Variants in GET4 observed in about 807,000 individuals in gnomAD.
The protein encoded by GET4 is Golgi to ER traffic protein 4 homolog.
GET4 carries 20 observed loss-of-function variants against 40.0 expected under a neutral mutation model. The ratio of observed to expected loss-of-function variants is 0.50; its 90% CI spans 0.35 to 0.73. The LOEUF is 0.73. Ranked by LOEUF, GET4 falls within the 30% of genes least tolerant of loss-of-function variation. GET4 has a pLI of 0.01. For synonymous variants in GET4, 280 were observed against 194.6 expected (o/e 1.44, Z -3.65); for missense variants, 557 against 454.0 (o/e 1.23, Z -2.06).
At chr7:892,162 G>A (rs1363394523) in intron 5 of GET4, 116 bp from the exon 6 acceptor site, 7 of 1,032,390 alleles carry the variant, frequency 6.8e-6, no homozygotes, top group African/African-American at 3.2e-5. Flanking sequence ...CCATGGCCTT[G>A]GGCCGCAGGA....
In GET4 at chr7:890,940, G is replaced by GT. The variant is rs1844308262; in HGVS notation, c.480dup (p.Glu161Ter). 2 of 1,605,948 alleles carry GT rather than the reference G, an allele frequency of 1.2e-6. No individual in the cohort carries two copies. Among genetic ancestry groups the GT allele is most frequent in the South Asian group, 1.1e-5 (1 of 90,912 alleles). On this transcript the variant is annotated frameshift_variant, in exon 5 of 9. Coordinates refer to ENST00000265857, the MANE Select transcript of GET4 (RefSeq NM_015949.3). LOFTEE classifies it high-confidence loss of function. ...CTTTCCTTTGCAGAACAAAACTATT[G>GT]TGAGTCGAGGTATCATTTTCTGCAC...
chr7:894,259 C>G (rs1049826754), intron 8 of GET4, among the ~76,000 whole-genome samples: 2 of 152,012 alleles, frequency 1.3e-5, no homozygotes, highest in Non-Finnish European at 2.9e-5. Context: ...TCCCCCGTCT[C>G]TCTGTGCGCC....
intron 8 of GET4, among the ~76,000 whole-genome samples, chr7:894,748 G>GT (rs1554268852): frequency 1.3e-5 from 2 of 152,208 alleles, no homozygotes; most frequent in Admixed American, 6.5e-5. Flanking sequence ...TGCCACGGCC[G>GT]TGTCTTTGTA....
At position 876,618 on chromosome 7, in the gene GET4, C is replaced by G. The variant is rs1459986507; in HGVS notation, c.-28C>G. The stretch of plus-strand genomic sequence containing the variant: ...GCGCTGCCGACCGCGCCTGCGACAG[C>G]GTCAGCCCTGCGCGGAGCGCCGGCC... On this transcript the variant is annotated 5_prime_UTR_variant, in exon 1 of 9. Coordinates refer to ENST00000265857, the MANE Select transcript of GET4 (RefSeq NM_015949.3). 1.7e-6 allele frequency: 2 copies of G among 1,196,204 alleles called. No homozygotes were observed. The highest frequency in any genetic ancestry group is 2.1e-6 in the Non-Finnish European group (2 of 961,484). 74.1% of individuals were successfully genotyped at this position (1,196,204 alleles called of 1,614,324 possible). A position where few individuals can be genotyped will look rare whatever the true frequency, so the allele number is the denominator to read the frequency against.
intron 8 of GET4, among the ~76,000 whole-genome samples, chr7:894,548 A>G (rs1209270724): frequency 6.6e-6 from 1 of 151,716 alleles, no homozygotes; most frequent in Non-Finnish European, 1.5e-5. Context: ...TCCTCCCCGG[A>G]TGCCCCCCCC....
At chr7:892,214 G>A in intron 5 of GET4, 64 bp from the exon 6 acceptor site, 2 of 1,545,524 alleles carry the variant, frequency 1.3e-6, no homozygotes, top group Non-Finnish European at 1.8e-6. Flanking sequence ...TCGGAGGCCG[G>A]CGCCTGTGCG....
rs748886010 is a variant in GET4, at chr7:892,251, C to T, written c.606-27C>T. On this transcript the variant is annotated intron_variant, in intron 5 of 8. Coordinates refer to ENST00000265857, the MANE Select transcript of GET4 (RefSeq NM_015949.3). The stretch of plus-strand genomic sequence containing the variant: ...GCAGAAGCTGTGTCCTCCAGCCCTT[C>T]CACCACCAGCATGTTCTCATTTCCA... 3 of 1,582,548 alleles carry T rather than the reference C, an allele frequency of 1.9e-6. No homozygotes were observed. The East Asian group carries it at 6.8e-5, about 36-fold the overall frequency.
At position 892,407 on chromosome 7, in the gene GET4, G is replaced by A. The variant is rs1315771942; in HGVS notation, c.735G>A (p.Leu245=). The change falls in exon 6 of 9, where the codon CTG becomes CTA. Residue 245 remains leucine, a synonymous_variant. Coordinates refer to ENST00000265857, the MANE Select transcript of GET4 (RefSeq NM_015949.3). Reference sequence around the variant, plus strand: ...TTAACTTCATCTGGTTCCTGCTGCTGGCTGTGGACGGGTGCGTCTTGGGAT... The same window carrying A: ...TTAACTTCATCTGGTTCCTGCTGCTAGCTGTGGACGGGTGCGTCTTGGGAT... ...PLLNFIWFLL[L]AVDGGKLTVF... 1 of 1,588,244 alleles carries A rather than the reference G, an allele frequency of 6.3e-7. No homozygotes were observed.
At position 892,425 on chromosome 7, in the gene GET4, C is replaced by T. The variant is rs200267271; in HGVS notation, c.746+7C>T. 1.3e-6 allele frequency: 2 copies of T among 1,584,274 alleles called. No homozygotes were observed. Among genetic ancestry groups the T allele is most frequent in the Non-Finnish European group, 1.7e-6 (2 of 1,156,506 alleles). On this transcript the variant is annotated splice_region_variant and intron_variant, in intron 6 of 8. Coordinates refer to ENST00000265857, the MANE Select transcript of GET4 (RefSeq NM_015949.3). Reference sequence around the variant, plus strand: ...TGCTGCTGGCTGTGGACGGGTGCGTCTTGGGATCCTGCAGGGGGAGGGGGC... The same window carrying T: ...TGCTGCTGGCTGTGGACGGGTGCGTTTTGGGATCCTGCAGGGGGAGGGGGC...
In GET4 at chr7:895,548, C is replaced by T. The variant is rs999182666; in HGVS notation, c.*126C>T. ...GAGGCTGGCGGTGGCCGCATGCCGG[C>T]GCGTGTCTGTTTCTGTGCGGCGGCT... On this transcript the variant is annotated 3_prime_UTR_variant, in exon 9 of 9. Transcript: ENST00000265857. 39 of 537,964 alleles carry T rather than the reference C, an allele frequency of 7.2e-5. No homozygotes were observed. Among genetic ancestry groups the T allele is most frequent in the Admixed American group, 3.1e-4 (9 of 28,866 alleles). 33.3% of individuals were successfully genotyped at this position (537,964 alleles called of 1,614,324 possible). A position where few individuals can be genotyped will look rare whatever the true frequency, so the allele number is the denominator to read the frequency against.
intron 1 of GET4, chr7:883,885 C>T (rs979260810): frequency 2.9e-6 from 3 of 1,026,544 alleles, no homozygotes; most frequent in Non-Finnish European, 3.5e-6. Flanking sequence ...GAAACGGGTG[C>T]CCCCAGCCAG....
intron 1 of GET4, chr7:884,045 GCTC>G: frequency 1.7e-6 from 2 of 1,170,198 alleles, no homozygotes; most frequent in Non-Finnish European, 2.1e-6. Flanking sequence ...CCCAGAGCAG[GCTC>G]CTCGTGCAGG....
Position 895,511 on chromosome 7 carries a change from G to T in GET4, c.*89G>T. 1 of 647,628 alleles carries T rather than the reference G, an allele frequency of 1.5e-6. No homozygotes were observed. Among genetic ancestry groups the T allele is most frequent in the Non-Finnish European group, 2.7e-6 (1 of 366,864 alleles). 40.1% of individuals were successfully genotyped at this position (647,628 alleles called of 1,614,324 possible). A position where few individuals can be genotyped will look rare whatever the true frequency, so the allele number is the denominator to read the frequency against. The stretch of plus-strand genomic sequence containing the variant: ...TCCTGGGTGGCTCCTCGCCTTGGGG[G>T]CTCCTGGCCCTGAGGCTGGCGGTGG... On this transcript the variant is annotated 3_prime_UTR_variant, in exon 9 of 9. Transcript: ENST00000265857.
intron 1 of GET4, chr7:885,096 CTTAG>C (rs1844160720): frequency 6.6e-6 from 1 of 152,224 alleles, no homozygotes; most frequent in Non-Finnish European, 1.5e-5. Context: ...CTGCTGTTTA[CTTAG>C]TATTTTTCTT....
At chr7:879,512 C>T (rs1844041199) in intron 1 of GET4, among the ~76,000 whole-genome samples, 1 of 152,190 alleles carries the variant, frequency 6.6e-6, no homozygotes, top group Non-Finnish European at 1.5e-5. Context: ...TACTGAGCAG[C>T]CCGGGCTCAG....
rs753954736 is a variant in GET4 at position 893,880 on chromosome 7, C to T, written c.823-19C>T. On this transcript the variant is annotated intron_variant, in intron 7 of 8. Transcript: ENST00000265857. ...GGTCTGGGTCCACCCCCTCTGAGCCCGCTGCCTGTGCCTTGCAGTACCTCG... is the reference window on the plus strand; with the variant it reads ...GGTCTGGGTCCACCCCCTCTGAGCCTGCTGCCTGTGCCTTGCAGTACCTCG... The T allele has an allele frequency of 4.3e-5, 70 of 1,612,012 alleles. No individual in the cohort carries two copies. Among genetic ancestry groups the T allele is most frequent in the African/African-American group, 1.2e-4 (9 of 74,866 alleles).
intron 1 of GET4, chr7:883,587 C>T: frequency 1.0e-6 from 1 of 985,372 alleles, no homozygotes; most frequent in Non-Finnish European, 1.2e-6. Flanking sequence ...GCTCTCAGCG[C>T]CTGTCAGCAG....
At position 891,930 on chromosome 7, in the gene GET4, G is replaced by C. The variant is rs188797794; in HGVS notation, c.606-348G>C. 1.4e-4 allele frequency among the ~76,000 whole-genome samples: 22 copies of C among 152,382 alleles called. No homozygotes were observed. The East Asian group carries it at 4.2e-3, about 29-fold the overall frequency. On this transcript the variant is annotated intron_variant, in intron 5 of 8. Coordinates refer to ENST00000265857, the MANE Select transcript of GET4 (RefSeq NM_015949.3). ...GTCTGTGCGGCACCCACCAGCTGCT[G>C]GGCCATGGCGGAGTGTTCTGGTGCG... is the stretch of plus-strand genomic sequence containing the variant.
At chr7:882,568 C>T (rs967297558) in intron 1 of GET4, 1 of 151,554 alleles carries the variant, frequency 6.6e-6, no homozygotes, top group Non-Finnish European at 1.5e-5. Flanking sequence ...GGGCGGCCGA[C>T]CTTGCTCCAG....
Sources: allele counts gnomAD v4.1 joint callset (sites outside exome capture counted in the v4.1 genomes callset), GRCh38; gene constraint gnomAD v4.1.1; transcripts MANE v1.5; gene names NCBI Gene and HGNC (gene_info 2026-07-23, HGNC 2026-07-21).